The following PSMC6 variants were observed in gnomAD, a reference collection of about 807,000 sequenced individuals.
PSMC6 encodes the protein 26S proteasome regulatory subunit 10B.
Under a neutral mutation model 55.9 loss-of-function variants are expected in PSMC6, and 3 were observed. The ratio of observed to expected loss-of-function variants is 0.05; its 90% CI spans 0.02 to 0.14. PSMC6 has a LOEUF of 0.14. Ranked by LOEUF, PSMC6 falls within the 10% of genes least tolerant of loss-of-function variation. The pLI, the probability that PSMC6 is intolerant of heterozygous loss-of-function variation, is 1.00. For synonymous variants in PSMC6, 137 were observed against 155.9 expected, an observed-to-expected ratio of 0.88 and a Z score of 0.90; for missense variants, 210 against 478.7, an observed-to-expected ratio of 0.44 and a Z score of 5.24.
intron 9 of PSMC6, chr14:52,718,655 A>C: frequency 2.5e-6 from 1 of 399,932 alleles, no homozygotes; most frequent in Non-Finnish European, 4.6e-6. Flanking sequence ...ATGTGGTGGC[A>C]CATGCCTGTA....
chr14:52,728,441 C>T lies in PSMC6; in HGVS notation c.*824C>T, dbSNP rs1439179562. On this transcript the variant is annotated 3_prime_UTR_variant, in exon 14 of 14. Transcript: ENST00000445930. ...TTCAGGAAATTTATTGTTTCCCAAG[C>T]TCATCCAAGGACTCTTTAGGTATGT... The T allele has an allele frequency of 2.0e-5, 3 of 152,270 alleles. No individual in the cohort carries two copies. Among genetic ancestry groups the T allele is most frequent in the Non-Finnish European group, 4.4e-5 (3 of 68,016 alleles). 9.4% of individuals were successfully genotyped at this position (152,270 alleles called of 1,614,324 possible). A position where few individuals can be genotyped will look rare whatever the true frequency, so the allele number is the denominator to read the frequency against.
intron 13 of PSMC6, among the ~76,000 whole-genome samples, chr14:52,725,687 T>C (rs1401439667): frequency 1.3e-5 from 2 of 152,230 alleles, no homozygotes; most frequent in Admixed American, 6.5e-5. Flanking sequence ...AGCTAATTTT[T>C]GTATTTTTTG....
At chr14:52,721,041 C>A (rs1232816811) in intron 11 of PSMC6, 60 bp downstream of exon 11, 1 of 1,583,948 alleles carries the variant, frequency 6.3e-7, no homozygotes, top group Admixed American at 1.8e-5. Flanking sequence ...TTTTTCCATA[C>A]TTCACTTCAC....
At chr14:52,707,622 C>T (rs962061550) in intron 1 of PSMC6, 10 of 274,412 alleles carry the variant, frequency 3.6e-5, no homozygotes, top group Non-Finnish European at 6.4e-5. Context: ...TGGTGGAGTC[C>T]CGGGACTTGG....
At chr14:52,709,146 C>A in intron 4 of PSMC6, 1 of 210,520 alleles carries the variant, frequency 4.8e-6, no homozygotes. Flanking sequence ...TCATCAGTTA[C>A]CTGTGTTTAT....
intron 10 of PSMC6, among the ~76,000 whole-genome samples, chr14:52,720,394 A>AAAT: frequency 6.8e-6 from 1 of 147,594 alleles, no homozygotes; most frequent in Non-Finnish European, 1.5e-5. Flanking sequence ...AAAAAAAAAA[A>AAAT]AAATTATCAG....
At chr14:52,709,533 T>G (rs1333517574) in intron 4 of PSMC6, 1 of 442,238 alleles carries the variant, frequency 2.3e-6, no homozygotes, top group Non-Finnish European at 4.5e-6. Flanking sequence ...AGTCAAAATA[T>G]TAGATACCTA....
At chr14:52,708,057 T>A (rs2041723211) in intron 1 of PSMC6, among the ~76,000 whole-genome samples, 1 of 152,220 alleles carries the variant, frequency 6.6e-6, no homozygotes, top group African/African-American at 2.4e-5. Context: ...TCTAAGACTA[T>A]AACTTAAGAT....
Position 52,707,270 on chromosome 14 carries a change from T to G in PSMC6, c.51T>G (p.Leu17=), listed in dbSNP as rs1323684808. ...KALQDYRKKL[L]EHKEIDGRLK... ...TTCAGGACTACCGCAAGAAGTTGCT[T>G]GAACACAAGGAGATCGACGGCCGTC... The change falls in exon 1 of 14, where the codon CTT becomes CTG. Residue 17 remains leucine, a synonymous_variant. Transcript: ENST00000445930. The G allele has an allele frequency of 1.2e-6, 2 of 1,614,022 alleles. No homozygotes were observed. The highest frequency in any genetic ancestry group is 3.3e-5 in the Admixed American group (2 of 60,012).
At chr14:52,714,958 C>G (rs1343904436) in intron 7 of PSMC6, among the ~76,000 whole-genome samples, 1 of 148,390 alleles carries the variant, frequency 6.7e-6, no homozygotes, top group Non-Finnish European at 1.5e-5. Context: ...TGACACAAAA[C>G]AAAAAACTAA....
chr14:52,710,264 A>C (rs3783448), intron 4 of PSMC6: 16,143 of 152,070 alleles, frequency 0.11, 940 homozygotes, highest in South Asian at 0.16. Context: ...CGTCTTTACT[A>C]AAAAATACAA....
At position 52,707,225 on chromosome 14, in the gene PSMC6, G is replaced by T. The variant is rs371262723; in HGVS notation, c.6G>T (p.Ala2=). Residue 2 remains alanine, a synonymous_variant, in exon 1 of 14, where the codon GCG becomes GCT. Coordinates refer to ENST00000445930, the MANE Select transcript of PSMC6 (RefSeq NM_002806.5). M[A]DPRDKALQDY... is the part of the protein sequence containing the mutation. ...ATGAGAGACGGCTTCTCATCATGGC[G>T]GACCCTAGAGATAAGGCGCTTCAGG... 1 of 1,613,748 alleles carries T rather than the reference G, an allele frequency of 6.2e-7. No homozygotes were observed. Among genetic ancestry groups the T allele is most frequent in the African/African-American group, 1.3e-5 (1 of 74,834 alleles).
intron 4 of PSMC6, chr14:52,709,721 T>C (rs1384659582): frequency 3.1e-6 from 1 of 322,834 alleles, no homozygotes; most frequent in Non-Finnish European, 6.0e-6. Context: ...GCCAGAAATG[T>C]GTTTTAGATT....
At chr14:52,718,051 T>C in intron 7 of PSMC6, 30 bp from the exon 8 acceptor site, 7 of 1,606,016 alleles carry the variant, frequency 4.4e-6, no homozygotes, top group Non-Finnish European at 6.0e-6. Context: ...TACCTTACCA[T>C]CTAATTAAGA....
intron 13 of PSMC6, among the ~76,000 whole-genome samples, chr14:52,727,085 A>G (rs1880450235): frequency 7.9e-6 from 1 of 126,986 alleles, no homozygotes; most frequent in Admixed American, 1.0e-4. Flanking sequence ...CAGTGCCACT[A>G]TCTCAGCTCA....
chr14:52,711,655 A>T, intron 6 of PSMC6, 131 bp downstream of exon 6: 1 of 455,868 alleles, frequency 2.2e-6, no homozygotes, highest in Non-Finnish European at 3.9e-6. Flanking sequence ...TGTATTTACT[A>T]TTCTTGCTAA....
At chr14:52,721,320 A>G (rs2041887928) in intron 12 of PSMC6, 130 bp downstream of exon 12, 14 of 746,518 alleles carry the variant, frequency 1.9e-5, no homozygotes, top group Non-Finnish European at 2.5e-5. Flanking sequence ...TTCAGCAAAT[A>G]GTTATTGAGC....
chr14:52,709,547 T>C (rs2041742983), intron 4 of PSMC6: 1 of 448,592 alleles, frequency 2.2e-6, no homozygotes, highest in Non-Finnish European at 4.4e-6. Context: ...ATACCTAAAC[T>C]GACAAGGGAT....
In PSMC6 at chr14:52,720,935, A is replaced by G. The variant is rs769240267; in HGVS notation, c.852A>G (p.Thr284=). 1.9e-6 allele frequency: 3 copies of G among 1,613,486 alleles called. No individual in the cohort carries two copies. Among genetic ancestry groups the G allele is most frequent in the Non-Finnish European group, 8.5e-7 (1 of 1,179,514 alleles). ...KMIMATNRPD[T]LDPALLRPGR... The stretch of plus-strand genomic sequence containing the variant: ...TCATGGCTACAAACAGACCAGATAC[A>G]CTGGATCCTGCTTTGCTGCGTCCAG... The change falls in exon 11 of 14, where the codon ACA becomes ACG. Residue 284 remains threonine (T), a synonymous_variant. Coordinates refer to ENST00000445930, the MANE Select transcript of PSMC6 (RefSeq NM_002806.5).
Sources: gnomAD v4.1 joint callset for allele counts (sites outside exome capture counted in the v4.1 genomes callset) on GRCh38, gnomAD v4.1.1 for gene constraint, MANE v1.5 for transcripts, NCBI Gene and HGNC (gene_info 2026-07-23, HGNC 2026-07-21) for gene names.